Variants in RXYLT1 observed in about 807,000 individuals in gnomAD.
RXYLT1 encodes ribitol-5-phosphate xylosyltransferase 1.
RXYLT1 carries 41 observed loss-of-function variants against 43.5 expected under a neutral mutation model. The observed-to-expected ratio is 0.94, with a 90% CI of 0.73 to 1.22. RXYLT1 has a LOEUF of 1.22. Ranked by LOEUF, RXYLT1 falls within the 50% of genes most tolerant of loss-of-function variation. The pLI is 0.00. For missense variants in RXYLT1, 514 were observed against 532.0 expected, an observed-to-expected ratio of 0.97 and a Z score of 0.33; for synonymous variants, 166 against 194.4, an observed-to-expected ratio of 0.85 and a Z score of 1.21.
At chr12:63,792,016 C>T (rs1457070040) in intron 3 of RXYLT1, among the ~76,000 whole-genome samples, 1 of 152,192 alleles carries the variant, frequency 6.6e-6, no homozygotes, top group African/African-American at 2.4e-5. Flanking sequence ...CACTGAAAGG[C>T]TAAGTACCTG....
At chr12:63,789,231 G>A (rs889201603) in intron 3 of RXYLT1, among the ~76,000 whole-genome samples, 8 of 152,220 alleles carry the variant, frequency 5.3e-5, no homozygotes, top group African/African-American at 1.9e-4. Flanking sequence ...GCCTAATAGT[G>A]TTGTGTCTCA....
chr12:63,793,762 T>A (rs1315333254), intron 3 of RXYLT1, among the ~76,000 whole-genome samples: 2 of 152,328 alleles, frequency 1.3e-5, no homozygotes, highest in African/African-American at 4.8e-5. Context: ...TAAATTTGAT[T>A]CACATAGGAT....
At chr12:63,782,467 G>T (rs895828240) in intron 2 of RXYLT1, 1 of 454,870 alleles carries the variant, frequency 2.2e-6, no homozygotes, top group Admixed American at 2.4e-5. Flanking sequence ...AATTTTATCA[G>T]CCTGTTGACA....
At chr12:63,794,533 C>T (rs117390785) in intron 3 of RXYLT1, among the ~76,000 whole-genome samples, 4,952 of 152,206 alleles carry the variant, frequency 0.033, 106 homozygotes, top group Middle Eastern at 0.065. Context: ...TCCTAGTCTA[C>T]GGAAATGGGC....
At chr12:63,795,387 G>A (rs1252552062) in intron 3 of RXYLT1, 1 of 152,178 alleles carries the variant, frequency 6.6e-6, no homozygotes, top group Non-Finnish European at 1.5e-5. Context: ...TTCAGCCCAG[G>A]AATTCAAGAC....
At chr12:63,788,035 C>T (rs375777932) in intron 3 of RXYLT1, among the ~76,000 whole-genome samples, 1 of 152,342 alleles carries the variant, frequency 6.6e-6, no homozygotes, top group African/African-American at 2.4e-5. Context: ...ATCTCCTGTA[C>T]ATCTCCATCA....
At chr12:63,802,509 T>C in intron 4 of RXYLT1, 104 bp downstream of exon 4, 1 of 1,090,272 alleles carries the variant, frequency 9.2e-7, no homozygotes. Context: ...TCTGGGATTA[T>C]TGAGGCCAGG....
chr12:63,797,305 GAA>G (rs1363366957), intron 3 of RXYLT1, among the ~76,000 whole-genome samples: 2 of 152,076 alleles, frequency 1.3e-5, no homozygotes, highest in East Asian at 3.9e-4. Context: ...ATAATGATAA[GAA>G]TATGCATACT....
chr12:63,790,781 A>G (rs548973552), intron 3 of RXYLT1, among the ~76,000 whole-genome samples: 3 of 152,206 alleles, frequency 2.0e-5, no homozygotes, highest in Middle Eastern at 3.4e-3. Context: ...TTCTTGTTCT[A>G]TTACTTTGCT....
At chr12:63,781,301 C>G in intron 2 of RXYLT1, 127 bp downstream of exon 2, 1 of 1,020,016 alleles carries the variant, frequency 9.8e-7, no homozygotes, top group Non-Finnish European at 1.3e-6. Flanking sequence ...TATTTTTTCG[C>G]TTTTTGTCAA....
intron 3 of RXYLT1, among the ~76,000 whole-genome samples, chr12:63,786,410 T>C (rs1897801179): frequency 6.6e-6 from 1 of 152,132 alleles, no homozygotes; most frequent in Non-Finnish European, 1.5e-5. Context: ...AAGCAAATAC[T>C]GCAATAAAGC....
intron 3 of RXYLT1, among the ~76,000 whole-genome samples, chr12:63,798,400 CCTTA>C (rs1241598889): frequency 2.0e-5 from 3 of 152,228 alleles, no homozygotes; most frequent in South Asian, 2.1e-4. Flanking sequence ...GTAATCACTT[CCTTA>C]CTTCTCAACC....
chr12:63,808,560 C>A, intron 5 of RXYLT1, 115 bp from the exon 6 acceptor site: 1 of 1,176,778 alleles, frequency 8.5e-7, no homozygotes, highest in Non-Finnish European at 1.2e-6. Context: ...TGCCTATCAT[C>A]TCTATAAAGT....
chr12:63,785,157 G>C (rs1390375469), intron 3 of RXYLT1, 85 bp downstream of exon 3: 1 of 794,946 alleles, frequency 1.3e-6, no homozygotes, highest in Admixed American at 3.0e-5. Context: ...AAAAATAATA[G>C]GAAAATATAT....
intron 2 of RXYLT1, among the ~76,000 whole-genome samples, chr12:63,783,136 A>G (rs1897722349): frequency 1.3e-5 from 2 of 152,076 alleles, no homozygotes; most frequent in South Asian, 4.1e-4. Context: ...CACATTCCTG[A>G]TTTTCTTCTG....
In RXYLT1 at chr12:63,785,122, C is replaced by T. The variant is rs370383744; in HGVS notation, c.428+50C>T. ...CATTAACCTTTGATGTTTTGCTCTG[C>T]AATATTTTCTGTAAATACTAAAAGA... On this transcript the variant is annotated intron_variant, in intron 3 of 5. Transcript: ENST00000261234. The T allele has an allele frequency of 3.0e-6, 4 of 1,326,638 alleles. No homozygotes were observed. The African/African-American group carries it at 5.9e-5, about 20-fold the overall frequency. 82.2% of individuals were successfully genotyped at this position (1,326,638 alleles called of 1,614,324 possible). A position where few individuals can be genotyped will look rare whatever the true frequency, so the allele number is the denominator to read the frequency against.
intron 3 of RXYLT1, among the ~76,000 whole-genome samples, chr12:63,798,933 A>G (rs1898093702): frequency 6.6e-6 from 1 of 152,196 alleles, no homozygotes; most frequent in African/African-American, 2.4e-5. Flanking sequence ...CTGTTAGGAC[A>G]TAGATACTTA....
At chr12:63,783,220 G>A (rs1897725340) in intron 2 of RXYLT1, among the ~76,000 whole-genome samples, 2 of 152,162 alleles carry the variant, frequency 1.3e-5, no homozygotes, top group Admixed American at 1.3e-4. Context: ...CAGCACTTTG[G>A]GAGGCTGAGG....
intron 3 of RXYLT1, among the ~76,000 whole-genome samples, chr12:63,796,946 T>A (rs888176720): frequency 6.6e-6 from 1 of 150,706 alleles, no homozygotes. Flanking sequence ...AAGAAAATTA[T>A]ATTTCTTTTT....
Sources: allele counts gnomAD v4.1 joint callset (sites outside exome capture counted in the v4.1 genomes callset), GRCh38; gene constraint gnomAD v4.1.1; transcripts MANE v1.5; gene names NCBI Gene and HGNC (gene_info 2026-07-23, HGNC 2026-07-21).